MRPS18B: variants seen among roughly 807,000 people sequenced by gnomAD.
The protein encoded by MRPS18B is mitochondrial ribosomal protein S18B, also known as small ribosomal subunit protein mS40.
Under a neutral mutation model 28.4 loss-of-function variants are expected in MRPS18B, and 27 were observed. The ratio of observed to expected loss-of-function variants is 0.95; its 90% CI spans 0.70 to 1.31. The LOEUF is 1.31. Ranked by LOEUF, MRPS18B falls within the 40% of genes most tolerant of loss-of-function variation. The pLI is 0.00. For synonymous variants in MRPS18B, 118 were observed against 123.7 expected (o/e 0.95, Z 0.30); for missense variants, 343 against 335.9 (o/e 1.02, Z -0.17).
chr6:30,620,692 C>G (rs947578950), intron 4 of MRPS18B, among the ~76,000 whole-genome samples: 2 of 152,108 alleles, frequency 1.3e-5, no homozygotes, highest in Non-Finnish European at 2.9e-5. Context: ...GCCTCAGCCT[C>G]CCAAGTAGCT....
intron 4 of MRPS18B, chr6:30,620,209 CAGG>C: frequency 1.9e-6 from 1 of 524,018 alleles, no homozygotes; most frequent in Admixed American, 3.2e-5. Context: ...CCCAGCTACT[CAGG>C]AGGCTGAGGC....
intron 4 of MRPS18B, among the ~76,000 whole-genome samples, chr6:30,620,575 G>GT (rs879897757): frequency 0.014 from 2,071 of 144,300 alleles, 45 homozygotes; most frequent in East Asian, 0.1. Flanking sequence ...AGAAATGGCT[G>GT]TTTTTTTTTT....
intron 6 of MRPS18B, 50 bp downstream of exon 6, chr6:30,624,992 TG>T (rs774212703): frequency 6.3e-7 from 1 of 1,598,832 alleles, no homozygotes; most frequent in African/African-American, 1.3e-5. Context: ...ATAAGGAAGA[TG>T]ACTTAGGGCT....
chr6:30,624,291 T>C (rs935616226), intron 5 of MRPS18B, among the ~76,000 whole-genome samples: 3 of 151,866 alleles, frequency 2.0e-5, no homozygotes, highest in African/African-American at 7.3e-5. Flanking sequence ...AGACAGGGTT[T>C]CACCATTTTG....
At chr6:30,619,011 G>A (rs1334091371) in intron 1 of MRPS18B, among the ~76,000 whole-genome samples, 2 of 151,970 alleles carry the variant, frequency 1.3e-5, no homozygotes, top group Non-Finnish European at 2.9e-5. Context: ...TCCGCCTCCC[G>A]GGTTCAAGTG....
At position 30,625,580 on chromosome 6, in the gene MRPS18B, C is replaced by T; in HGVS notation, c.560C>T (p.Thr187Ile). ...FSTSHGAVSA[T>I]PPAPTLVSGD... The stretch of plus-strand genomic sequence containing the variant: ...ACCTCTCATGGGGCTGTGAGTGCTA[C>T]TCCGCCAGCCCCCACCCTGGTCTCA... Residue 187 changes from threonine (T) to isoleucine (I), a missense_variant, in exon 7 of 7, where the codon ACT (threonine) becomes ATT (isoleucine). Coordinates refer to ENST00000259873, the MANE Select transcript of MRPS18B (RefSeq NM_014046.4). 1.2e-6 allele frequency: 2 copies of T among 1,610,302 alleles called. No homozygotes were observed. The highest frequency in any genetic ancestry group is 1.7e-6 in the Non-Finnish European group (2 of 1,177,744).
chr6:30,620,075 T>C (rs549040514), intron 4 of MRPS18B, 86 bp downstream of exon 4: 1 of 1,327,518 alleles, frequency 7.5e-7, no homozygotes, highest in South Asian at 1.2e-5. Flanking sequence ...CCCAGCACTT[T>C]GGGAGGCCAA....
rs1761399191 is a variant in MRPS18B at position 30,624,947 on chromosome 6, G to A, written c.481+5G>A. ...TCCAGAAAGCCAGGGATCATGGTGA[G>A]CATGAGACGGGGCACACAGCAGTTT... On this transcript the variant is annotated splice_donor_5th_base_variant and intron_variant, in intron 6 of 6. Transcript: ENST00000259873. The A allele has an allele frequency of 6.2e-7, 1 of 1,612,990 alleles. No individual in the cohort carries two copies. Among genetic ancestry groups the A allele is most frequent in the Non-Finnish European group, 8.5e-7 (1 of 1,179,950 alleles).
chr6:30,619,419 C>A, intron 1 of MRPS18B, 74 bp from the exon 2 acceptor site: 1 of 1,259,144 alleles, frequency 7.9e-7, no homozygotes, highest in Non-Finnish European at 1.1e-6. Context: ...TTCCTCCTTT[C>A]CAAAGTGTGA....
At position 30,625,681 on chromosome 6, in the gene MRPS18B, C is replaced by T. The variant is rs758024018; in HGVS notation, c.661C>T (p.Gln221Ter). The T allele has an allele frequency of 1.2e-6, 2 of 1,613,080 alleles. No homozygotes were observed. Among genetic ancestry groups the T allele is most frequent in the South Asian group, 2.2e-5 (2 of 91,074 alleles). ...RELSRLRRLY[Q>*]GHLQEESGPP... ...ACTGTCTCGCCTTCGCCGGCTTTAC[C>T]AGGGTCATCTCCAAGAAGAGAGTGG... Residue 221 changes from glutamine (Q) to a stop codon, truncating the protein, a stop_gained, in exon 7 of 7, where the codon CAG (glutamine) becomes TAG (stop). Transcript: ENST00000259873. LOFTEE classifies it low-confidence loss of function (END_TRUNC).
Position 30,619,825 on chromosome 6 carries a change from G to T in MRPS18B, c.285+19G>T. The T allele has an allele frequency of 6.2e-7, 1 of 1,613,054 alleles. No individual in the cohort carries two copies. Among genetic ancestry groups the T allele is most frequent in the Non-Finnish European group, 8.5e-7 (1 of 1,178,970 alleles). ...ATGTATTGTGAGTTTCTGAGAGTGG[G>T]ATGTGGAGTGCGGGGAGGCCACAAG... is the stretch of plus-strand genomic sequence containing the variant. On this transcript the variant is annotated intron_variant, in intron 3 of 6. Transcript: ENST00000259873.
In MRPS18B at chr6:30,619,588, T is replaced by C. The variant is rs767591878; in HGVS notation, c.174T>C (p.Tyr58=). The C allele has an allele frequency of 3.4e-5, 55 of 1,612,704 alleles. No individual in the cohort carries two copies. The South Asian group carries it at 4.6e-4, about 14-fold the overall frequency. ...ISPYKDEPWK[Y]LESEEYQERY... ...CTTATAAGGATGAGCCCTGGAAATA[T>C]CTGGAATCAGAAGGTACCTCTAAAG... Residue 58 remains tyrosine, a synonymous_variant, in exon 2 of 7, where the codon TAT becomes TAC. Coordinates refer to ENST00000259873, the MANE Select transcript of MRPS18B (RefSeq NM_014046.4).
In MRPS18B at chr6:30,617,886, C is replaced by T. The variant is rs1760807069; in HGVS notation, c.21C>T (p.Asn7=). 1.9e-6 allele frequency: 3 copies of T among 1,614,214 alleles called. No individual in the cohort carries two copies. The highest frequency in any genetic ancestry group is 1.7e-6 in the Non-Finnish European group (2 of 1,180,044). ...TCAAGATGGCGGCGTCTGTATTAAA[C>T]ACCGTGCTGAGGCGGCTTCCTATGC... MAASVL[N]TVLRRLPMLS... Residue 7 remains asparagine, a synonymous_variant, in exon 1 of 7, where the codon AAC becomes AAT. Transcript: ENST00000259873.
In MRPS18B at chr6:30,626,088, C is replaced by G. The variant is rs374097554; in HGVS notation, c.*291C>G. ...CACTCCAGCCTGGGTGACAGCTAGA[C>G]CCTGTCTCAAAAAAAAAAAAAAAGA... On this transcript the variant is annotated 3_prime_UTR_variant, in exon 7 of 7. Transcript: ENST00000259873. 274 of 372,138 alleles carry G rather than the reference C, an allele frequency of 7.4e-4. 2 individuals carry two copies. In the East Asian group the frequency reaches 8.1e-3, roughly 11 times the overall value. The allele number at this position is 372,138 out of a possible 1,614,324, so 23.1% of individuals were successfully genotyped here. A position where few individuals can be genotyped will look rare whatever the true frequency, so the allele number is the denominator to read the frequency against.
rs560880964 is a variant in MRPS18B at position 30,624,999 on chromosome 6, G to C, written c.481+57G>C. The C allele has an allele frequency of 8.9e-4, 1,421 of 1,590,438 alleles. 1 individual carries two copies. Among genetic ancestry groups the C allele is most frequent in the Non-Finnish European group, 1.1e-3 (1,281 of 1,160,568 alleles). On this transcript the variant is annotated intron_variant, in intron 6 of 6. Coordinates refer to ENST00000259873, the MANE Select transcript of MRPS18B (RefSeq NM_014046.4). ...GTTTAGGTATAAGGAAGATGACTTA[G>C]GGCTAGAAAATGGATATAAATGCTC...
chr6:30,620,176 T>A lies in MRPS18B; in HGVS notation c.354+187T>A, dbSNP rs1761061246. The A allele has an allele frequency of 1.2e-5, 7 of 577,946 alleles. No homozygotes were observed. The East Asian group carries it at 2.1e-4, about 18-fold the overall frequency. 35.8% of individuals were successfully genotyped at this position (577,946 alleles called of 1,614,324 possible). A position where few individuals can be genotyped will look rare whatever the true frequency, so the allele number is the denominator to read the frequency against. On this transcript the variant is annotated intron_variant, in intron 4 of 6. Coordinates refer to ENST00000259873, the MANE Select transcript of MRPS18B (RefSeq NM_014046.4). ...ACTAAAAATACAAAAAATTAGCCGGTTGTGGTGGCGGGCGCCTGTAGTCCC... is the reference window on the plus strand; with the variant it reads ...ACTAAAAATACAAAAAATTAGCCGGATGTGGTGGCGGGCGCCTGTAGTCCC...
chr6:30,625,680 C>G lies in MRPS18B; in HGVS notation c.660C>G (p.Tyr220Ter). 6.2e-7 allele frequency: 1 copy of G among 1,613,048 alleles called. No individual in the cohort carries two copies. Among genetic ancestry groups the G allele is most frequent in the Non-Finnish European group, 8.5e-7 (1 of 1,180,016 alleles). The change falls in exon 7 of 7, where the codon TAC becomes TAG. Residue 220 changes from tyrosine to a stop codon, truncating the protein, a stop_gained. Coordinates refer to ENST00000259873, the MANE Select transcript of MRPS18B (RefSeq NM_014046.4). LOFTEE classifies it low-confidence loss of function (END_TRUNC). ...ERELSRLRRL[Y>*]QGHLQEESGP... Reference sequence around the variant, plus strand: ...AACTGTCTCGCCTTCGCCGGCTTTACCAGGGTCATCTCCAAGAAGAGAGTG... The same window carrying G: ...AACTGTCTCGCCTTCGCCGGCTTTAGCAGGGTCATCTCCAAGAAGAGAGTG...
At chr6:30,623,363 C>A in intron 5 of MRPS18B, among the ~76,000 whole-genome samples, 1 of 151,190 alleles carries the variant, frequency 6.6e-6, no homozygotes, top group South Asian at 2.1e-4. Flanking sequence ...AAGAAAAAAA[C>A]AAGTACTTCT....
chr6:30,622,859 T>C lies in MRPS18B; in HGVS notation c.382T>C (p.Cys128Arg). The C allele has an allele frequency of 6.2e-7, 1 of 1,613,098 alleles. No individual in the cohort carries two copies. The highest frequency in any genetic ancestry group is 1.3e-5 in the African/African-American group (1 of 75,066). Residue 128 changes from cysteine to arginine, a missense_variant, in exon 5 of 7, where the codon TGC (cysteine) becomes CGC (arginine). Physicochemically the swap from Cys to Arg is radical, Grantham distance 180 (BLOSUM62 -3). Transcript: ENST00000259873. ...RNVKLLEQFVCAHTGIIFYAP... is the reference protein window; with the variant it reads ...RNVKLLEQFVRAHTGIIFYAP... ...CGTGAAGCTCTTGGAGCAATTTGTC[T>C]GCGCCCACACGGGTATCATCTTCTA...
Sources: gnomAD v4.1 joint callset for allele counts (sites outside exome capture counted in the v4.1 genomes callset) on GRCh38, gnomAD v4.1.1 for gene constraint, MANE v1.5 for transcripts, NCBI Gene and HGNC (gene_info 2026-07-23, HGNC 2026-07-21) for gene names.